PICALM: variants seen among roughly 807,000 people sequenced by gnomAD.
PICALM encodes phosphatidylinositol binding clathrin assembly protein, also known as phosphatidylinositol-binding clathrin assembly protein.
Under a neutral mutation model 80.5 loss-of-function variants are expected in PICALM, and 40 were observed. That is an observed-to-expected ratio of 0.50 (90% CI 0.39 to 0.65). The LOEUF (loss-of-function observed/expected upper bound fraction) is 0.65. Ranked by LOEUF, PICALM falls within the 30% of genes least tolerant of loss-of-function variation. The probability of loss-of-function intolerance (pLI) is 0.00; values close to 1 mark genes in which losing one functional copy is unlikely to be tolerated. For synonymous variants in PICALM, 288 were observed against 260.3 expected (o/e 1.11, Z -1.02); for missense variants, 676 against 778.9 (o/e 0.87, Z 1.57).
intron 1 of PICALM, 21 bp downstream of exon 1, chr11:86,068,630 G>C (rs772789752): frequency 6.3e-7 from 1 of 1,597,794 alleles, no homozygotes; most frequent in Non-Finnish European, 8.5e-7. Flanking sequence ...GGGAGCGGGG[G>C]CCGCGGTCGG....
intron 3 of PICALM, among the ~76,000 whole-genome samples, chr11:86,024,967 G>C (rs1399027434): frequency 6.6e-6 from 1 of 152,054 alleles, no homozygotes; most frequent in Non-Finnish European, 1.5e-5. Context: ...AATTCATTTG[G>C]CATATCCTTT....
chr11:86,065,055 A>G (rs951445765), intron 1 of PICALM, among the ~76,000 whole-genome samples: 14 of 152,128 alleles, frequency 9.2e-5, no homozygotes, highest in Non-Finnish European at 1.6e-4. Flanking sequence ...TGCACACCAG[A>G]GACAGAGCAA....
At position 86,056,145 on chromosome 11, in the gene PICALM, A is replaced by AAAAAAAAG. The variant is rs530495065; in HGVS notation, c.130+12505_130+12506insCTTTTTTT. Among the ~76,000 whole-genome samples the AAAAAAAAG allele has an allele frequency of 3.6e-4, 53 of 147,826 alleles. 1 individual carries two copies. The highest frequency in any genetic ancestry group is 3.4e-3 in the Middle Eastern group (1 of 292). On this transcript the variant is annotated intron_variant, in intron 1 of 19. Coordinates refer to ENST00000393346, the MANE Select transcript of PICALM (RefSeq NM_007166.4). Reference sequence around the variant, plus strand: ...ACAAGACTCTGTCTTTAAAAAAAAAAAAAAAGAAAAAACCCTTGAAAAATT... The same window carrying AAAAAAAAG: ...ACAAGACTCTGTCTTTAAAAAAAAAAAAAAAAAGAAAAAGAAAAAACCCTTGAAAAATT...
intron 1 of PICALM, among the ~76,000 whole-genome samples, chr11:86,045,599 T>C (rs1036911617): frequency 2.2e-4 from 33 of 150,132 alleles, no homozygotes; most frequent in African/African-American, 7.8e-4. Context: ...CTAAAAAGTC[T>C]GACAATTTTA....
At chr11:86,001,862 T>C (rs999325721) in intron 9 of PICALM, among the ~76,000 whole-genome samples, 8 of 152,222 alleles carry the variant, frequency 5.3e-5, no homozygotes, top group Non-Finnish European at 1.0e-4. Flanking sequence ...ATGTTAACTC[T>C]AGGCTAAGTA....
At chr11:86,012,186 T>C (rs2095410128) in intron 6 of PICALM, 95 bp downstream of exon 6, 1 of 577,590 alleles carries the variant, frequency 1.7e-6, no homozygotes, top group Non-Finnish European at 3.0e-6. Flanking sequence ...TATATCATAA[T>C]AAATTTTTAG....
chr11:85,997,975 T>C (rs1440508904), intron 11 of PICALM, among the ~76,000 whole-genome samples: 1 of 151,672 alleles, frequency 6.6e-6, no homozygotes, highest in African/African-American at 2.4e-5. Flanking sequence ...AGAGACAGGG[T>C]TTCACCACAC....
chr11:86,022,475 A>G lies in PICALM; in HGVS notation c.350-6T>C. On this transcript the variant is annotated splice_region_variant and splice_polypyrimidine_tract_variant and intron_variant, in intron 3 of 19. Coordinates refer to ENST00000393346, the MANE Select transcript of PICALM (RefSeq NM_007166.4). ...AAATGTAGACATGTCATATCCTGTA[A>G]AAAAACAAAAACAAAAACAAAACAA... 7.2e-7 allele frequency: 1 copy of G among 1,396,692 alleles called. No homozygotes were observed. The highest frequency in any genetic ancestry group is 9.6e-7 in the Non-Finnish European group (1 of 1,038,592). 86.5% of individuals were successfully genotyped at this position (1,396,692 alleles called of 1,614,324 possible).
chr11:86,059,255 A>AT (rs1234381406), intron 1 of PICALM, among the ~76,000 whole-genome samples: 2 of 152,238 alleles, frequency 1.3e-5, no homozygotes, highest in Non-Finnish European at 2.9e-5. Flanking sequence ...CTGAGCACCC[A>AT]TGGGGGGTTG....
chr11:86,023,391 A>AT, intron 3 of PICALM: 1 of 938,636 alleles, frequency 1.1e-6, no homozygotes, highest in Non-Finnish European at 1.3e-6. Context: ...AGAAAAAAAA[A>AT]TACTGCTCCC....
intron 11 of PICALM, among the ~76,000 whole-genome samples, chr11:85,998,877 A>G (rs1046796057): frequency 4.0e-5 from 6 of 151,860 alleles, no homozygotes; most frequent in Non-Finnish European, 7.4e-5. Flanking sequence ...TCCTGCCTCA[A>G]CCTCCTGAGT....
intron 17 of PICALM, among the ~76,000 whole-genome samples, chr11:85,977,437 C>A (rs977644305): frequency 1.3e-4 from 20 of 152,150 alleles, no homozygotes; most frequent in African/African-American, 4.6e-4. Flanking sequence ...GATATAGTTG[C>A]TGTCTTAACA....
chr11:86,023,375 CA>C, intron 3 of PICALM: 1 of 858,354 alleles, frequency 1.2e-6, no homozygotes, highest in Non-Finnish European at 1.4e-6. Context: ...AATCAGTGAA[CA>C]AAATAGAAAA....
intron 13 of PICALM, among the ~76,000 whole-genome samples, chr11:85,984,248 T>C (rs2094519232): frequency 1.3e-5 from 2 of 152,206 alleles, no homozygotes; most frequent in Admixed American, 6.5e-5. Context: ...TTTACCTTAA[T>C]TTTATATGCA....
At chr11:86,035,600 T>G (rs1027252835) in intron 1 of PICALM, among the ~76,000 whole-genome samples, 1 of 152,196 alleles carries the variant, frequency 6.6e-6, no homozygotes, top group Admixed American at 6.5e-5. Flanking sequence ...TTTTTACACC[T>G]GCCCTCATAA....
intron 19 of PICALM, among the ~76,000 whole-genome samples, chr11:85,965,353 C>T (rs71465611): frequency 0.094 from 14,324 of 152,214 alleles, 847 homozygotes; most frequent in Admixed American, 0.14. Context: ...TACATCAGCA[C>T]AAACAGACTT....
intron 12 of PICALM, among the ~76,000 whole-genome samples, chr11:85,992,260 G>C (rs2094804661): frequency 6.7e-6 from 1 of 149,628 alleles, no homozygotes; most frequent in Non-Finnish European, 1.5e-5. Flanking sequence ...TGGCCAGTTA[G>C]GCTGAAAGTT....
chr11:86,038,274 C>A (rs1442799178), intron 1 of PICALM, among the ~76,000 whole-genome samples: 1 of 151,886 alleles, frequency 6.6e-6, no homozygotes, highest in Admixed American at 6.6e-5. Flanking sequence ...AAGCTGAGAT[C>A]ACAGCCATAG....
chr11:86,066,311 A>G (rs1565623801), intron 1 of PICALM, among the ~76,000 whole-genome samples: 2 of 152,232 alleles, frequency 1.3e-5, no homozygotes, highest in African/African-American at 2.4e-5. Flanking sequence ...GGAAAATAGT[A>G]TCCCTGTATT....
Sources: gnomAD v4.1 joint callset for allele counts (sites outside exome capture counted in the v4.1 genomes callset) on GRCh38, gnomAD v4.1.1 for gene constraint, MANE v1.5 for transcripts, NCBI Gene and HGNC (gene_info 2026-07-23, HGNC 2026-07-21) for gene names.